The following UBE2O variants were observed in gnomAD, a reference collection of about 807,000 sequenced individuals.
UBE2O encodes (E3-independent) E2 ubiquitin-conjugating enzyme.
Under a neutral mutation model 125.8 loss-of-function variants are expected in UBE2O, and 15 were observed. That is an observed-to-expected ratio of 0.12 (90% CI 0.08 to 0.18). The LOEUF (loss-of-function observed/expected upper bound fraction) is 0.18. UBE2O is among the 10% of genes least tolerant of loss of function. UBE2O has a pLI of 1.00. For missense variants in UBE2O, 1,280 were observed against 1,723.6 expected (o/e 0.74, Z 4.56); for synonymous variants, 708 against 703.2 (o/e 1.01, Z -0.11).
chr17:76,405,128 A>C lies in UBE2O; in HGVS notation c.588+78T>G. 2 of 1,085,084 alleles carry C rather than the reference A, an allele frequency of 1.8e-6. No individual in the cohort carries two copies. The highest frequency in any genetic ancestry group is 4.5e-5 in the Admixed American group (2 of 44,446). 67.2% of individuals were successfully genotyped at this position (1,085,084 alleles called of 1,614,324 possible). A position where few individuals can be genotyped will look rare whatever the true frequency, so the allele number is the denominator to read the frequency against. On this transcript the variant is annotated intron_variant, in intron 3 of 17. Transcript: ENST00000319380. This position sits in a 1 kb window ranked among gnomAD's most constrained non-coding sequence, Gnocchi z 6.1. The stretch of plus-strand genomic sequence containing the variant: ...GCTGTGCTTGGCAAGAGCACGGAGG[A>C]GGCTGTAGCCCAGAGGTCGTGCCGC...
intron 1 of UBE2O, among the ~76,000 whole-genome samples, chr17:76,418,988 A>G (rs1458014081): frequency 6.6e-6 from 1 of 152,070 alleles, no homozygotes; most frequent in African/African-American, 2.4e-5. Flanking sequence ...TGATAGTTAA[A>G]ACAGTTCAAC....
intron 15 of UBE2O, among the ~76,000 whole-genome samples, chr17:76,392,477 T>C (rs2072130152): frequency 6.6e-6 from 1 of 151,968 alleles, no homozygotes; most frequent in Non-Finnish European, 1.5e-5. Context: ...GTTGCCTAGG[T>C]TGGTCTCGAA....
rs1161733877 is a variant in UBE2O, at chr17:76,399,632, T to C, written c.1445A>G (p.Asp482Gly). The C allele has an allele frequency of 2.5e-6, 4 of 1,614,120 alleles. No individual in the cohort carries two copies. The highest frequency in any genetic ancestry group is 3.4e-6 in the Non-Finnish European group (4 of 1,180,020). ...GTCGTCCGTGTCATCAGCAGCCTCA[T>C]CATCTGCGTCCTGCTCTGCCGAGTG... Reference protein sequence around the residue: ...RLHSAEQDADDEAADDTDDTS... With the variant: ...RLHSAEQDADGEAADDTDDTS... The change falls in exon 9 of 18, where the codon GAT (aspartate) becomes GGT (glycine). Residue 482 changes from aspartate (D) to glycine (G), a missense_variant. Transcript: ENST00000319380. The surrounding 1 kb of genome is among the most constrained non-coding windows in gnomAD (Gnocchi z 6.9).
In UBE2O at chr17:76,400,360, A is replaced by G. The variant is rs1324137183; in HGVS notation, c.1005-63T>C. On this transcript the variant is annotated intron_variant, in intron 7 of 17. Transcript: ENST00000319380. The surrounding 1 kb of genome is among the most constrained non-coding windows in gnomAD (Gnocchi z 4.3). ...TCCTGGGAGGCCAGCAGTGTTCTTA[A>G]GCCTCCCCAGGCATGTGACCAGGGC... The G allele has an allele frequency of 1.3e-6, 2 of 1,597,836 alleles. No individual in the cohort carries two copies. Among genetic ancestry groups the G allele is most frequent in the African/African-American group, 1.3e-5 (1 of 74,572 alleles).
chr17:76,396,524 C>T lies in UBE2O; in HGVS notation c.2413G>A (p.Asp805Asn), dbSNP rs1324188446. 1 of 1,613,416 alleles carries T rather than the reference C, an allele frequency of 6.2e-7. No homozygotes were observed. The highest frequency in any genetic ancestry group is 2.2e-5 in the East Asian group (1 of 44,872). Residue 805 changes from aspartate (D) to asparagine (N), a missense_variant, in exon 14 of 18, where the codon GAC becomes AAC. By Grantham distance (23) the Asp-to-Asn change is conservative (BLOSUM62 1). Around this residue, in one of 10 missense-constraint regions of UBE2O, gnomAD observed 210 missense variants for 268.9 expected, o/e 0.78. Coordinates refer to ENST00000319380, the MANE Select transcript of UBE2O (RefSeq NM_022066.4). This position sits in a 1 kb window ranked among gnomAD's most constrained non-coding sequence, Gnocchi z 6.7. ...TCCCGGAAGCTCTTGGGTGGCCCGT[C>T]CTTGCCAGCCTTCTCCATCAGCCCG... ...MAGLMEKAGK[D>N]GPPKSFRELK...
rs541141358 is a variant in UBE2O at position 76,420,754 on chromosome 17, C to T, written c.418-15182G>A. The stretch of plus-strand genomic sequence containing the variant: ...CCTGGGATCGAGTGCAAGCTGGGGT[C>T]TTGCACCACCAGGTGTTGGTCCTGC... On this transcript the variant is annotated intron_variant, in intron 1 of 17. Coordinates refer to ENST00000319380, the MANE Select transcript of UBE2O (RefSeq NM_022066.4). Among the ~76,000 whole-genome samples the T allele has an allele frequency of 3.3e-5, 5 of 152,284 alleles. No individual in the cohort carries two copies. In the South Asian group the frequency reaches 8.3e-4, roughly 25 times the overall value.
intron 1 of UBE2O, among the ~76,000 whole-genome samples, chr17:76,422,950 T>C (rs1233423688): frequency 1.3e-5 from 2 of 152,158 alleles, no homozygotes; most frequent in Admixed American, 6.5e-5. Context: ...TGGGAACAAG[T>C]GTCAAGAAAG....
intron 1 of UBE2O, among the ~76,000 whole-genome samples, chr17:76,435,401 T>TACACACACAC (rs3219583): frequency 1.0e-5 from 1 of 96,734 alleles, no homozygotes; most frequent in Non-Finnish European, 2.1e-5. Flanking sequence ...AATATACAGA[T>TACACACACAC]ACACACACAC....
At chr17:76,425,225 C>CAAAAAAAAAAAAAAAAAAA (rs58377572) in intron 1 of UBE2O, among the ~76,000 whole-genome samples, 11 of 95,098 alleles carry the variant, frequency 1.2e-4, no homozygotes, top group African/African-American at 2.8e-4. Flanking sequence ...GTCCTTTCGA[C>CAAAAAAAAAAAAAAAAAAA]AAAAAAAAAA....
intron 1 of UBE2O, among the ~76,000 whole-genome samples, chr17:76,438,544 G>A (rs2073033509): frequency 6.6e-6 from 1 of 151,854 alleles, no homozygotes; most frequent in African/African-American, 2.4e-5. Flanking sequence ...ACACCTTTGC[G>A]CCCCATCTGA....
Position 76,399,719 on chromosome 17 carries a change from G to T in UBE2O, c.1358C>A (p.Pro453His), listed in dbSNP as rs765152145. Reference sequence around the variant, plus strand: ...GGGCAGCTGCTCTCCTGCCTCGTGGGGCTCCTCTGCACCCTCGTCCTGCAT... The same window carrying T: ...GGGCAGCTGCTCTCCTGCCTCGTGGTGCTCCTCTGCACCCTCGTCCTGCAT... ...VEMQDEGAEE[P>H]HEAGEQLPPF... The change falls in exon 9 of 18, where the codon CCC (proline) becomes CAC (histidine). Residue 453 changes from proline to histidine, a missense_variant. Pro to His is a moderately conservative substitution (Grantham distance 77, BLOSUM62 -2). Transcript: ENST00000319380. The surrounding 1 kb of genome is among the most constrained non-coding windows in gnomAD (Gnocchi z 6.9). The T allele has an allele frequency of 6.2e-7, 1 of 1,614,108 alleles. No individual in the cohort carries two copies. Among genetic ancestry groups the T allele is most frequent in the South Asian group, 1.1e-5 (1 of 91,084 alleles).
intron 1 of UBE2O, among the ~76,000 whole-genome samples, chr17:76,446,003 C>T (rs1420269347): frequency 6.6e-6 from 1 of 152,186 alleles, no homozygotes; most frequent in Non-Finnish European, 1.5e-5. Flanking sequence ...TTAAAAATAC[C>T]GAGATCCTAT....
intron 1 of UBE2O, among the ~76,000 whole-genome samples, chr17:76,437,459 AAAAAAG>A (rs1435077750): frequency 2.6e-5 from 4 of 151,928 alleles, no homozygotes; most frequent in Non-Finnish European, 5.9e-5. Context: ...CAAAAAAAAA[AAAAAAG>A]AAAAAGAAAA....
intron 1 of UBE2O, among the ~76,000 whole-genome samples, chr17:76,433,129 T>C (rs2072929856): frequency 6.6e-6 from 1 of 152,010 alleles, no homozygotes; most frequent in Non-Finnish European, 1.5e-5. Flanking sequence ...CACAAAAACG[T>C]GGACTTGAAT....
At position 76,445,804 on chromosome 17, in the gene UBE2O, T is replaced by C. The variant is rs73363363; in HGVS notation, c.417+6921A>G. ...CATTTTGCTCTTCCCTGGCTATAAC[T>C]GCACACATCAAGTGGCTCCTGACAG... is the stretch of plus-strand genomic sequence containing the variant. On this transcript the variant is annotated intron_variant, in intron 1 of 17. Transcript: ENST00000319380. 5.5e-3 allele frequency among the ~76,000 whole-genome samples: 839 copies of C among 152,378 alleles called. 7 individuals carry two copies. The highest frequency in any genetic ancestry group is 0.019 in the African/African-American group (791 of 41,592).
intron 1 of UBE2O, among the ~76,000 whole-genome samples, chr17:76,436,497 A>G (rs2073000106): frequency 6.6e-6 from 1 of 152,156 alleles, no homozygotes. Context: ...GGATTGTCAG[A>G]GACTGAAGAA....
At position 76,397,776 on chromosome 17, in the gene UBE2O, G is replaced by A. The variant is rs781400239; in HGVS notation, c.2115+23C>T. On this transcript the variant is annotated intron_variant, in intron 13 of 17. Coordinates refer to ENST00000319380, the MANE Select transcript of UBE2O (RefSeq NM_022066.4). ...AGTTGCCATAGTCACAAGCTCAGCA[G>A]GGGGGTCTTGCCAGAGCCTCACCTG... The A allele has an allele frequency of 1.9e-6, 3 of 1,593,984 alleles. No homozygotes were observed. In the African/African-American group the frequency reaches 4.8e-5, roughly 25 times the overall value.
intron 1 of UBE2O, among the ~76,000 whole-genome samples, chr17:76,431,447 C>G (rs1223879244): frequency 6.6e-6 from 1 of 152,128 alleles, no homozygotes; most frequent in African/African-American, 2.4e-5. Flanking sequence ...ATCCGGGAGG[C>G]ACAGGTTGCA....
chr17:76,408,768 C>T (rs1015803832), intron 1 of UBE2O, among the ~76,000 whole-genome samples: 2 of 152,142 alleles, frequency 1.3e-5, no homozygotes, highest in African/African-American at 4.8e-5. Context: ...TGTGCCCACT[C>T]TGGGAAAGCA....
Sources: gnomAD v4.1 joint callset for allele counts (sites outside exome capture counted in the v4.1 genomes callset) on GRCh38, gnomAD v4.1.1 for gene constraint, gnomAD v4.1.1 regional missense constraint, Gnocchi (gnomAD v3.1) non-coding constraint, MANE v1.5 for transcripts, NCBI Gene and HGNC (gene_info 2026-07-23, HGNC 2026-07-21) for gene names.